Variants in TEX14 observed in about 807,000 individuals in gnomAD.
TEX14 encodes the protein inactive serine/threonine-protein kinase TEX14.
Under a neutral mutation model 178.6 loss-of-function variants are expected in TEX14, and 168 were observed. That is an observed-to-expected ratio of 0.94 (90% CI 0.83 to 1.07). The LOEUF (loss-of-function observed/expected upper bound fraction) is 1.07. Among genes scored for constraint, TEX14 ranks in the 50% least tolerant of loss-of-function variants. TEX14 has a pLI of 0.00. For missense variants in TEX14, 1,730 were observed against 1,753.6 expected (o/e 0.99, Z 0.24); for synonymous variants, 626 against 634.1 (o/e 0.99, Z 0.19).
At chr17:58,640,230 G>A (rs1022533096) in intron 2 of TEX14, among the ~76,000 whole-genome samples, 9 of 151,076 alleles carry the variant, frequency 6.0e-5, no homozygotes, top group Non-Finnish European at 1.0e-4. Context: ...AGAAACACTT[G>A]AACCCAGGAG....
At chr17:58,566,964 T>G (rs2044413888) in intron 26 of TEX14, among the ~76,000 whole-genome samples, 2 of 151,058 alleles carry the variant, frequency 1.3e-5, no homozygotes, top group South Asian at 4.2e-4. Context: ...GTCAGGAGTT[T>G]GAGATCAGCC....
chr17:58,616,438 C>T (rs1598389306), intron 6 of TEX14, 133 bp from the exon 7 acceptor site: 10 of 801,132 alleles, frequency 1.2e-5, no homozygotes, highest in South Asian at 8.9e-5. Context: ...TGCACTGGGC[C>T]TTTTTTTTTT....
At chr17:58,560,866 C>G (rs1407292871) in intron 29 of TEX14, among the ~76,000 whole-genome samples, 1 of 152,260 alleles carries the variant, frequency 6.6e-6, no homozygotes, top group African/African-American at 2.4e-5. Context: ...TATCCAGCAT[C>G]AATGCTGCAT....
intron 19 of TEX14, among the ~76,000 whole-genome samples, chr17:58,582,669 T>G (rs1231995599): frequency 6.6e-6 from 1 of 151,466 alleles, no homozygotes; most frequent in Non-Finnish European, 1.5e-5. Context: ...GTCCCAGTGA[T>G]TCTCCTGCCT....
At chr17:58,629,383 G>T (rs1316196969) in intron 3 of TEX14, among the ~76,000 whole-genome samples, 1 of 151,574 alleles carries the variant, frequency 6.6e-6, no homozygotes, top group Admixed American at 6.6e-5. Flanking sequence ...GCAGCCGGGT[G>T]GCAGAGGCTG....
intron 1 of TEX14, among the ~76,000 whole-genome samples, chr17:58,691,538 G>A (rs1478623338): frequency 1.3e-5 from 2 of 151,798 alleles, no homozygotes; most frequent in Non-Finnish European, 2.9e-5. Context: ...ATGGTGGCGT[G>A]CGCCTGTAAT....
In TEX14 at chr17:58,570,545, G is replaced by A. The variant is rs547468338; in HGVS notation, c.3718-61C>T. The A allele has an allele frequency of 3.7e-4, 433 of 1,174,132 alleles. 1 individual carries two copies. The highest frequency in any genetic ancestry group is 7.3e-4 in the South Asian group (46 of 63,234). 72.7% of individuals were successfully genotyped at this position (1,174,132 alleles called of 1,614,324 possible). A position where few individuals can be genotyped will look rare whatever the true frequency, so the allele number is the denominator to read the frequency against. On this transcript the variant is annotated intron_variant, in intron 24 of 31. Transcript: ENST00000349033. ...GTGTTGAGCTAAAAAGGCATATGCAGCTCAGTCATTTCCAGTTGTTTTGTT... is the reference window on the plus strand; with the variant it reads ...GTGTTGAGCTAAAAAGGCATATGCAACTCAGTCATTTCCAGTTGTTTTGTT...
In TEX14 at chr17:58,629,704, A is replaced by G. The variant is rs566566944; in HGVS notation, c.251+736T>C. ...CAAAAAATTAGCCCGGCGTGGTGGC[A>G]GGTGCCTGTAGTCCCAGCTCCTCAG... On this transcript the variant is annotated intron_variant, in intron 3 of 31. Coordinates refer to ENST00000349033, the MANE Select transcript of TEX14 (RefSeq NM_031272.5). Among the ~76,000 whole-genome samples the G allele has an allele frequency of 2.5e-3, 372 of 150,508 alleles. 2 individuals are homozygous for G. Among genetic ancestry groups the G allele is most frequent in the Middle Eastern group, 6.9e-3 (2 of 288 alleles).
At chr17:58,622,454 T>G (rs1598394365) in intron 4 of TEX14, among the ~76,000 whole-genome samples, 1 of 150,490 alleles carries the variant, frequency 6.6e-6, no homozygotes, top group African/African-American at 2.4e-5. Flanking sequence ...AAAAAAAAAA[T>G]TCCCACCTGC....
At chr17:58,560,190 C>T (rs1042722537) in intron 29 of TEX14, among the ~76,000 whole-genome samples, 5 of 152,152 alleles carry the variant, frequency 3.3e-5, no homozygotes, top group Admixed American at 1.3e-4. Flanking sequence ...TGTCAGTGCT[C>T]GGTGGATGCT....
chr17:58,602,354 T>C, intron 12 of TEX14, 46 bp downstream of exon 12: 2 of 1,532,398 alleles, frequency 1.3e-6, no homozygotes, highest in East Asian at 2.3e-5. Context: ...CCTATTCTCC[T>C]GAGTTAGGTA....
At chr17:58,597,442 T>G (rs1325208061) in intron 14 of TEX14, among the ~76,000 whole-genome samples, 1 of 152,046 alleles carries the variant, frequency 6.6e-6, no homozygotes, top group Non-Finnish European at 1.5e-5. Flanking sequence ...AGGATAACTC[T>G]TAAGCGGAGA....
chr17:58,601,483 T>C (rs1232550472), intron 13 of TEX14, among the ~76,000 whole-genome samples: 8 of 144,816 alleles, frequency 5.5e-5, no homozygotes, highest in South Asian at 2.2e-4. Context: ...GACCCCACCA[T>C]TGCACTCCAG....
At chr17:58,558,953 T>C (rs901724221) in intron 30 of TEX14, among the ~76,000 whole-genome samples, 3 of 152,106 alleles carry the variant, frequency 2.0e-5, no homozygotes, top group African/African-American at 7.2e-5. Context: ...GCAGATCACC[T>C]GAGGTCAAGA....
intron 26 of TEX14, 77 bp from the exon 27 acceptor site, chr17:58,565,901 C>T: frequency 1.8e-6 from 2 of 1,141,996 alleles, no homozygotes; most frequent in Non-Finnish European, 2.6e-6. Context: ...AGTGGTTCTC[C>T]AAGGGTGATC....
intron 3 of TEX14, among the ~76,000 whole-genome samples, chr17:58,626,944 T>C (rs2046159869): frequency 1.3e-5 from 2 of 152,136 alleles, no homozygotes; most frequent in Non-Finnish European, 2.9e-5. Context: ...TTTAAAAACT[T>C]TTTTTCCCGG....
At chr17:58,683,038 G>A (rs1324201657) in intron 1 of TEX14, among the ~76,000 whole-genome samples, 3 of 145,426 alleles carry the variant, frequency 2.1e-5, no homozygotes, top group South Asian at 2.2e-4. Context: ...GGGCGACAGT[G>A]CGAGAGTCTG....
Position 58,640,731 on chromosome 17 carries a change from A to G in TEX14, c.137-10177T>C, listed in dbSNP as rs139563700. 2.2e-3 allele frequency among the ~76,000 whole-genome samples: 339 copies of G among 151,838 alleles called. 3 individuals are homozygous for G. Among genetic ancestry groups the G allele is most frequent in the Middle Eastern group, 0.017 (5 of 294 alleles). ...AGAGAGACGTGGTGGCTATTTATTT[A>G]CTTATTTATTGAGACGGTCTTGCTC... is the stretch of plus-strand genomic sequence containing the variant. On this transcript the variant is annotated intron_variant, in intron 2 of 31. Transcript: ENST00000349033.
At chr17:58,678,818 T>TATAATAATA (rs56142259) in intron 1 of TEX14, among the ~76,000 whole-genome samples, 37,219 of 136,964 alleles carry the variant, frequency 0.27, 5,286 homozygotes, top group African/African-American at 0.32. Flanking sequence ...GAACTTAAAG[T>TATAATAATA]ATAATAATAA....
Sources: allele counts gnomAD v4.1 joint callset (sites outside exome capture counted in the v4.1 genomes callset), GRCh38; gene constraint gnomAD v4.1.1; transcripts MANE v1.5; gene names NCBI Gene and HGNC (gene_info 2026-07-23, HGNC 2026-07-21).